Variants in MAN1A1 observed in about 807,000 individuals in gnomAD.
The protein encoded by MAN1A1 is mannosidase alpha class 1A member 1.
In MAN1A1, 29 loss-of-function variants were observed where a neutral mutation model predicts 70.8. The observed-to-expected ratio is 0.41, with a 90% CI of 0.31 to 0.56. The LOEUF is 0.56. Among genes scored for constraint, MAN1A1 ranks in the 20% least tolerant of loss-of-function variants. The pLI, the probability that MAN1A1 is intolerant of heterozygous loss-of-function variation, is 0.29. For synonymous variants in MAN1A1, 349 were observed against 330.1 expected (o/e 1.06, Z -0.62); for missense variants, 747 against 841.3 (o/e 0.89, Z 1.39).
chr6:119,222,862 ATC>A (rs1774403058), intron 6 of MAN1A1, among the ~76,000 whole-genome samples: 1 of 152,058 alleles, frequency 6.6e-6, no homozygotes, highest in African/African-American at 2.4e-5. Flanking sequence ...TTGCCCCATA[ATC>A]TCTCTCCTTC....
intron 2 of MAN1A1, among the ~76,000 whole-genome samples, chr6:119,326,200 C>T (rs1334320357): frequency 1.3e-5 from 2 of 152,208 alleles, no homozygotes. Flanking sequence ...CCACGTATAC[C>T]TGTGTGGGTG....
intron 5 of MAN1A1, among the ~76,000 whole-genome samples, chr6:119,272,102 C>T (rs1016960765): frequency 7.9e-5 from 12 of 152,134 alleles, no homozygotes; most frequent in African/African-American, 2.2e-4. Flanking sequence ...GTAGTCATAA[C>T]CAAACTATCA....
At chr6:119,183,836 CT>C (rs1773216416) in intron 11 of MAN1A1, among the ~76,000 whole-genome samples, 1 of 152,092 alleles carries the variant, frequency 6.6e-6, no homozygotes, top group Non-Finnish European at 1.5e-5. Flanking sequence ...TTGAGACCCC[CT>C]TATCAGTGGC....
chr6:119,208,128 C>T (rs544152738), intron 6 of MAN1A1, among the ~76,000 whole-genome samples: 3 of 152,064 alleles, frequency 2.0e-5, no homozygotes, highest in South Asian at 2.1e-4. Context: ...CAAGCCAAGA[C>T]GACAAGTTGG....
At chr6:119,301,921 C>T in intron 4 of MAN1A1, 67 bp downstream of exon 4, 1 of 794,872 alleles carries the variant, frequency 1.3e-6, no homozygotes, top group South Asian at 1.5e-5. Flanking sequence ...ATAATAGGGC[C>T]CACTACAGAA....
At chr6:119,203,001 A>C (rs1773757775) in intron 7 of MAN1A1, among the ~76,000 whole-genome samples, 1 of 148,522 alleles carries the variant, frequency 6.7e-6, no homozygotes, top group African/African-American at 2.5e-5. Flanking sequence ...TCTCTCTGTG[A>C]CTCCTTCTCT....
chr6:119,333,863 C>T (rs1228988565), intron 2 of MAN1A1, among the ~76,000 whole-genome samples: 1 of 152,092 alleles, frequency 6.6e-6, no homozygotes, highest in African/African-American at 2.4e-5. Context: ...TTATAAAAAC[C>T]TAGGGTGTAA....
chr6:119,203,701 C>T (rs1011209105), intron 7 of MAN1A1, among the ~76,000 whole-genome samples: 1 of 151,972 alleles, frequency 6.6e-6, no homozygotes, highest in Non-Finnish European at 1.5e-5. Context: ...AGGAGGAGAC[C>T]ACTGGGTACA....
chr6:119,194,314 AAGCTCCTC>A (rs1773511944), intron 8 of MAN1A1, among the ~76,000 whole-genome samples: 1 of 152,164 alleles, frequency 6.6e-6, no homozygotes, highest in African/African-American at 2.4e-5. Flanking sequence ...ATAAAACAAG[AAGCTCCTC>A]AGGTTCTTGC....
chr6:119,250,399 C>T (rs1187226438), intron 5 of MAN1A1, among the ~76,000 whole-genome samples: 1 of 152,168 alleles, frequency 6.6e-6, no homozygotes, highest in African/African-American at 2.4e-5. Context: ...TACAACTTGC[C>T]TAATTTCTCT....
intron 6 of MAN1A1, among the ~76,000 whole-genome samples, chr6:119,212,556 A>G (rs1255812206): frequency 1.3e-5 from 2 of 152,170 alleles, no homozygotes; most frequent in East Asian, 3.9e-4. Flanking sequence ...TGCTCAGGTT[A>G]TTTTTGATGA....
chr6:119,317,473 G>A (rs976403149), intron 2 of MAN1A1, among the ~76,000 whole-genome samples: 10 of 152,086 alleles, frequency 6.6e-5, no homozygotes, highest in Admixed American at 1.3e-4. Flanking sequence ...CACAAAATAC[G>A]TAGCCTTTTA....
intron 8 of MAN1A1, among the ~76,000 whole-genome samples, chr6:119,199,824 G>A (rs1006306576): frequency 6.6e-6 from 1 of 152,012 alleles, no homozygotes; most frequent in African/African-American, 2.4e-5. Flanking sequence ...GGCCGAGGTG[G>A]GAAGATAGCT....
Position 119,243,946 on chromosome 6 carries a change from G to A in MAN1A1, c.992+4314C>T, listed in dbSNP as rs865915466. 4.9e-4 allele frequency among the ~76,000 whole-genome samples: 75 copies of A among 152,052 alleles called. 1 individual carries two copies. The highest frequency in any genetic ancestry group is 1.3e-3 in the African/African-American group (54 of 41,506). ...CTACTAAATGTAACACCAAGCAGGC[G>A]TCAGAAAAATCCATACAGAGAAGTG... On this transcript the variant is annotated intron_variant, in intron 6 of 12. Transcript: ENST00000368468.
At chr6:119,237,891 T>C (rs1269140264) in intron 6 of MAN1A1, among the ~76,000 whole-genome samples, 7 of 152,160 alleles carry the variant, frequency 4.6e-5, no homozygotes, top group Non-Finnish European at 1.0e-4. Flanking sequence ...CTTAAAAAGA[T>C]AGAGTTATAT....
intron 10 of MAN1A1, 123 bp from the exon 11 acceptor site, chr6:119,188,700 C>A: frequency 1.1e-6 from 1 of 880,742 alleles, no homozygotes; most frequent in South Asian, 1.8e-5. Context: ...GTTCCAGGAC[C>A]CTCCGAGGAT....
intron 6 of MAN1A1, among the ~76,000 whole-genome samples, chr6:119,211,471 A>T (rs1479789344): frequency 1.3e-5 from 2 of 152,238 alleles, no homozygotes; most frequent in Non-Finnish European, 2.9e-5. Flanking sequence ...TGCTCAATAC[A>T]TGCTTAATTT....
At chr6:119,201,427 G>C (rs1773710629) in intron 7 of MAN1A1, 80 bp from the exon 8 acceptor site, 2 of 918,948 alleles carry the variant, frequency 2.2e-6, no homozygotes, top group Non-Finnish European at 1.8e-6. Flanking sequence ...GAACATACAA[G>C]TTGACTTAAA....
chr6:119,258,767 CT>C (rs964136036), intron 5 of MAN1A1, among the ~76,000 whole-genome samples: 2 of 151,916 alleles, frequency 1.3e-5, no homozygotes, highest in African/African-American at 4.8e-5. Context: ...ACATGTTTAT[CT>C]TTTTTTTATG....
Sources: gnomAD v4.1 joint callset for allele counts (sites outside exome capture counted in the v4.1 genomes callset) on GRCh38, gnomAD v4.1.1 for gene constraint, MANE v1.5 for transcripts, NCBI Gene and HGNC (gene_info 2026-07-23, HGNC 2026-07-21) for gene names.